The following KCNJ13 variants were observed in gnomAD, a reference collection of about 807,000 sequenced individuals.
The protein encoded by KCNJ13 is inward rectifier potassium channel 13.
Under a neutral mutation model 24.6 loss-of-function variants are expected in KCNJ13, and 9 were observed. The ratio of observed to expected loss-of-function variants is 0.37; its 90% CI spans 0.22 to 0.64. The LOEUF (loss-of-function observed/expected upper bound fraction) is 0.64. KCNJ13 is among the 30% of genes least tolerant of loss of function. The pLI is 0.64. For missense variants in KCNJ13, 337 were observed against 443.8 expected (o/e 0.76, Z 2.16); for synonymous variants, 148 against 154.7 (o/e 0.96, Z 0.32).
chr2:232,773,556 T>C (rs1312438126), intron 1 of KCNJ13, among the ~76,000 whole-genome samples: 4 of 152,210 alleles, frequency 2.6e-5, no homozygotes, highest in Admixed American at 6.5e-5. Context: ...AGGTCTTTGA[T>C]AGCCAAATTT....
chr2:232,774,407 T>G (rs1340455826), intron 1 of KCNJ13, among the ~76,000 whole-genome samples: 1 of 152,218 alleles, frequency 6.6e-6, no homozygotes, highest in Admixed American at 6.5e-5. Flanking sequence ...ATTATCACAG[T>G]CTGAATTATT....
At chr2:232,772,788 C>A (rs1393725145) in intron 1 of KCNJ13, among the ~76,000 whole-genome samples, 1 of 152,174 alleles carries the variant, frequency 6.6e-6, no homozygotes, top group South Asian at 2.1e-4. Context: ...GTGCTGCATA[C>A]CCACTTCCTG....
At position 232,766,791 on chromosome 2, in the gene KCNJ13, C is replaced by T. The variant is rs1297422782; in HGVS notation, c.*1400G>A. The T allele has an allele frequency of 6.6e-6, 1 of 152,180 alleles. No homozygotes were observed. The highest frequency in any genetic ancestry group is 1.5e-5 in the Non-Finnish European group (1 of 68,034). The allele number at this position is 152,180 out of a possible 1,614,324, so 9.4% of individuals were successfully genotyped here. A position where few individuals can be genotyped will look rare whatever the true frequency, so the allele number is the denominator to read the frequency against. On this transcript the variant is annotated 3_prime_UTR_variant, in exon 3 of 3. Coordinates refer to ENST00000233826, the MANE Select transcript of KCNJ13 (RefSeq NM_002242.4). ...CTCTTCACACCTGCTTGCCTTTACTCAGCTAGTATTTATTTCAAGAGATGA... is the reference window on the plus strand; with the variant it reads ...CTCTTCACACCTGCTTGCCTTTACTTAGCTAGTATTTATTTCAAGAGATGA...
At position 232,766,983 on chromosome 2, in the gene KCNJ13, T is replaced by A. The variant is rs901710627; in HGVS notation, c.*1208A>T. ...TTAAGGACAGTTTCTCTTTTTTTTA[T>A]TGAAATGAAAATCATGCAAATGATC... On this transcript the variant is annotated 3_prime_UTR_variant, in exon 3 of 3. Transcript: ENST00000233826. The A allele has an allele frequency of 6.6e-6, 1 of 152,154 alleles. No individual in the cohort carries two copies. Among genetic ancestry groups the A allele is most frequent in the African/African-American group, 2.4e-5 (1 of 41,444 alleles). 9.4% of individuals were successfully genotyped at this position (152,154 alleles called of 1,614,324 possible). A position where few individuals can be genotyped will look rare whatever the true frequency, so the allele number is the denominator to read the frequency against.
chr2:232,768,859 TATCAATAC>T (rs1241483897), intron 2 of KCNJ13, 46 bp from the exon 3 acceptor site: 1 of 1,493,538 alleles, frequency 6.7e-7, no homozygotes, highest in South Asian at 1.2e-5. Flanking sequence ...AGACTTTAAA[TATCAATAC>T]TTTTTCTGAA....
At chr2:232,775,084 A>G (rs1227638001) in intron 1 of KCNJ13, among the ~76,000 whole-genome samples, 1 of 152,002 alleles carries the variant, frequency 6.6e-6, no homozygotes, top group Non-Finnish European at 1.5e-5. Context: ...TTTTAACCTA[A>G]GACTGCTGGA....
chr2:232,771,110 G>A lies in KCNJ13; in HGVS notation c.253C>T (p.Leu85=). Reference sequence around the variant, plus strand: ...GGTGGGGCATCATGATCTAGTTCCAGATCACCATTCATCTCAGCCAGAACA... The same window carrying A: ...GGTGGGGCATCATGATCTAGTTCCAAATCACCATTCATCTCAGCCAGAACA... The part of the protein sequence containing the change: ...WYVLAEMNGD[L]ELDHDAPPEN... The change falls in exon 2 of 3, where the codon CTG becomes TTG. Residue 85 remains leucine, a synonymous_variant. Transcript: ENST00000233826. The A allele has an allele frequency of 6.2e-7, 1 of 1,614,076 alleles. No individual in the cohort carries two copies. The highest frequency in any genetic ancestry group is 8.5e-7 in the Non-Finnish European group (1 of 1,180,008).
intron 1 of KCNJ13, among the ~76,000 whole-genome samples, chr2:232,774,299 A>C (rs1440749956): frequency 2.0e-5 from 3 of 152,156 alleles, no homozygotes; most frequent in Admixed American, 6.5e-5. Flanking sequence ...GCCGCTCCAG[A>C]GTGTTTGTTC....
intron 1 of KCNJ13, among the ~76,000 whole-genome samples, chr2:232,773,307 T>C (rs998297071): frequency 2.0e-5 from 3 of 152,212 alleles, no homozygotes; most frequent in African/African-American, 7.2e-5. Flanking sequence ...TTTCATACTG[T>C]ATTATCTCTT....
In KCNJ13 at chr2:232,765,889, C is replaced by G. The variant is rs1698939335; in HGVS notation, c.*2302G>C. The stretch of plus-strand genomic sequence containing the variant: ...GTTGAAACTGTCATGCTATCTTTAT[C>G]AGTTTCCAAAGGAACGTTTAAAGTT... On this transcript the variant is annotated 3_prime_UTR_variant, in exon 3 of 3. Transcript: ENST00000233826. The G allele has an allele frequency of 2.1e-6, 1 of 469,690 alleles. No homozygotes were observed. The highest frequency in any genetic ancestry group is 2.0e-5 in the African/African-American group (1 of 49,994). 29.1% of individuals were successfully genotyped at this position (469,690 alleles called of 1,614,324 possible).
chr2:232,768,015 TTA>T lies in KCNJ13; in HGVS notation c.*174_*175del, dbSNP rs1448402303. 6.3e-6 allele frequency: 4 copies of T among 633,016 alleles called. No individual in the cohort carries two copies. In the East Asian group the frequency reaches 8.3e-5, roughly 13 times the overall value. The allele number at this position is 633,016 out of a possible 1,614,324, so 39.2% of individuals were successfully genotyped here. A position where few individuals can be genotyped will look rare whatever the true frequency, so the allele number is the denominator to read the frequency against. On this transcript the variant is annotated 3_prime_UTR_variant, in exon 3 of 3. Coordinates refer to ENST00000233826, the MANE Select transcript of KCNJ13 (RefSeq NM_002242.4). Reference sequence around the variant, plus strand: ...GTAACAAACTTTGTAATGTAGAGTGTTATGTTTCCAGAATGTGTATTGTTAGC... The same window carrying T: ...GTAACAAACTTTGTAATGTAGAGTGTTGTTTCCAGAATGTGTATTGTTAGC...
intron 2 of KCNJ13, among the ~76,000 whole-genome samples, chr2:232,770,572 A>T (rs778254604): frequency 4.6e-5 from 7 of 151,116 alleles, no homozygotes; most frequent in Non-Finnish European, 1.0e-4. Flanking sequence ...CAAAATGATT[A>T]GCTTCAGTGA....
intron 2 of KCNJ13, among the ~76,000 whole-genome samples, chr2:232,769,573 T>G (rs1699144178): frequency 6.6e-6 from 1 of 151,954 alleles, no homozygotes; most frequent in African/African-American, 2.4e-5. Context: ...ATTTTTAAAC[T>G]TTGAAACTCA....
intron 1 of KCNJ13, among the ~76,000 whole-genome samples, chr2:232,775,955 T>G (rs943140690): frequency 1.3e-5 from 2 of 152,214 alleles, no homozygotes; most frequent in Non-Finnish European, 2.9e-5. Context: ...TTTTAATTTC[T>G]CAGTTGCAGA....
chr2:232,768,959 G>T, intron 2 of KCNJ13, 146 bp from the exon 3 acceptor site: 2 of 672,862 alleles, frequency 3.0e-6, no homozygotes, highest in Admixed American at 3.0e-5. Context: ...TTGTTAATTT[G>T]GTCAGTCTTA....
rs140444239 is a variant in KCNJ13, at chr2:232,774,842, A to G, written c.-17+1603T>C. On this transcript the variant is annotated intron_variant, in intron 1 of 2. Coordinates refer to ENST00000233826, the MANE Select transcript of KCNJ13 (RefSeq NM_002242.4). The stretch of plus-strand genomic sequence containing the variant: ...TTTCAACCTATTTTATGAAAGTTCT[A>G]AAATTCCTTACTTAGAGCCTTTCTG... Among the ~76,000 whole-genome samples, 908 of 152,334 alleles carry G rather than the reference A, an allele frequency of 6.0e-3. 15 individuals are homozygous for G. Among genetic ancestry groups the G allele is most frequent in the African/African-American group, 0.021 (853 of 41,572 alleles).
chr2:232,772,864 A>G (rs888559646), intron 1 of KCNJ13, among the ~76,000 whole-genome samples: 2 of 152,120 alleles, frequency 1.3e-5, no homozygotes, highest in African/African-American at 2.4e-5. Context: ...TGGGTTTCCT[A>G]GTTCCTATAT....
At chr2:232,773,715 A>G (rs534287035) in intron 1 of KCNJ13, among the ~76,000 whole-genome samples, 1 of 152,226 alleles carries the variant, frequency 6.6e-6, no homozygotes, top group East Asian at 1.9e-4. Context: ...GCCAGGAATC[A>G]TACCAAATAC....
chr2:232,769,750 C>A (rs187832024), intron 2 of KCNJ13, among the ~76,000 whole-genome samples: 1 of 151,808 alleles, frequency 6.6e-6, no homozygotes, highest in East Asian at 1.9e-4. Flanking sequence ...AAGTACTTAC[C>A]AGAATTATGT....
Sources: allele counts gnomAD v4.1 joint callset (sites outside exome capture counted in the v4.1 genomes callset), GRCh38; gene constraint gnomAD v4.1.1; transcripts MANE v1.5; gene names NCBI Gene and HGNC (gene_info 2026-07-23, HGNC 2026-07-21).